Variants in UNC13B observed in about 807,000 individuals in gnomAD.
The protein encoded by UNC13B is unc-13 homolog B, also known as protein unc-13 homolog B.
UNC13B carries 144 observed loss-of-function variants against 211.0 expected under a neutral mutation model. That is an observed-to-expected ratio of 0.68 (90% CI 0.60 to 0.78). UNC13B has a LOEUF of 0.78. Among genes scored for constraint, UNC13B ranks in the 30% least tolerant of loss-of-function variants. UNC13B has a pLI of 0.00. For missense variants in UNC13B, 1,777 were observed against 2,002.0 expected, an observed-to-expected ratio of 0.89 and a Z score of 2.14; for synonymous variants, 709 against 725.8, an observed-to-expected ratio of 0.98 and a Z score of 0.37.
intron 11 of UNC13B, among the ~76,000 whole-genome samples, chr9:35,329,168 A>T (rs1831226008): frequency 6.6e-6 from 1 of 152,056 alleles, no homozygotes; most frequent in Admixed American, 6.5e-5. Context: ...GTTTGTTCCC[A>T]TTCCCACCCC....
intron 11 of UNC13B, among the ~76,000 whole-genome samples, chr9:35,323,607 C>G (rs987402527): frequency 1.3e-5 from 2 of 152,180 alleles, no homozygotes; most frequent in Non-Finnish European, 2.9e-5. Context: ...CTGTTTTCGC[C>G]TTCTGAGAAA....
At chr9:35,324,822 C>T (rs1223219652) in intron 11 of UNC13B, among the ~76,000 whole-genome samples, 1 of 152,086 alleles carries the variant, frequency 6.6e-6, no homozygotes, top group Non-Finnish European at 1.5e-5. Flanking sequence ...TTTGAAATAT[C>T]ATTTATTATG....
rs565231136 is a variant in UNC13B, at chr9:35,180,592, T to C, written c.22+18287T>C. On this transcript the variant is annotated intron_variant, in intron 1 of 39. Transcript: ENST00000635942. ...AGAGGGCTGTGGACTTCAAAAATTA[T>C]GGGCTTTTGAATCTGTTTCAATTTT... 5.9e-5 allele frequency among the ~76,000 whole-genome samples: 9 copies of C among 152,302 alleles called. No homozygotes were observed. In the South Asian group the frequency reaches 1.2e-3, roughly 21 times the overall value.
intron 17 of UNC13B, among the ~76,000 whole-genome samples, 195 bp downstream of exon 17, chr9:35,378,631 T>C (rs903230741): frequency 6.6e-6 from 1 of 152,198 alleles, no homozygotes; most frequent in African/African-American, 2.4e-5. Flanking sequence ...AGGATTACTG[T>C]GCCCATGCCC....
At chr9:35,323,188 A>G (rs1341201561) in intron 11 of UNC13B, among the ~76,000 whole-genome samples, 1 of 150,464 alleles carries the variant, frequency 6.6e-6, no homozygotes, top group Non-Finnish European at 1.5e-5. Flanking sequence ...ATTGTCCTAC[A>G]CCTTGCTTTT....
At chr9:35,278,534 C>T (rs988357675) in intron 7 of UNC13B, among the ~76,000 whole-genome samples, 14 of 152,056 alleles carry the variant, frequency 9.2e-5, no homozygotes, top group African/African-American at 2.9e-4. Flanking sequence ...TTCTCCTTCT[C>T]ATTTTTAAAA....
chr9:35,185,411 A>G (rs1451555303), intron 1 of UNC13B, among the ~76,000 whole-genome samples: 1 of 152,210 alleles, frequency 6.6e-6, no homozygotes, highest in Non-Finnish European at 1.5e-5. Flanking sequence ...TGCCACTAGT[A>G]CAACCAACTA....
chr9:35,246,718 T>G (rs1026666377), intron 6 of UNC13B, among the ~76,000 whole-genome samples: 1 of 152,244 alleles, frequency 6.6e-6, no homozygotes, highest in Non-Finnish European at 1.5e-5. Context: ...ATATCTCTGT[T>G]TTGGTACCAG....
intron 1 of UNC13B, among the ~76,000 whole-genome samples, chr9:35,180,098 A>G (rs1351322968): frequency 6.6e-6 from 1 of 152,218 alleles, no homozygotes; most frequent in Non-Finnish European, 1.5e-5. Flanking sequence ...ATTTAGAAAG[A>G]TACACTTGAA....
intron 1 of UNC13B, among the ~76,000 whole-genome samples, chr9:35,174,881 C>T (rs556387820): frequency 3.9e-5 from 6 of 152,212 alleles, no homozygotes; most frequent in East Asian, 3.9e-4. Flanking sequence ...CCACCGCGCC[C>T]GGCCACGTCT....
chr9:35,300,288 G>T lies in UNC13B; in HGVS notation c.884G>T (p.Ser295Ile). The change falls in exon 9 of 40, where the codon AGT becomes ATT. Residue 295 changes from serine to isoleucine, a missense_variant. Transcript: ENST00000635942. ...TCTGAAACTAAGACTAACTACAAAA[G>T]TACATATTCTAATACTGAAAATTGT... ...ERSETKTNYK[S>I]TYSNTENCTL... 2.5e-6 allele frequency: 1 copy of T among 398,790 alleles called. No individual in the cohort carries two copies. Among genetic ancestry groups the T allele is most frequent in the Non-Finnish European group, 4.4e-6 (1 of 226,010 alleles). 24.7% of individuals were successfully genotyped at this position (398,790 alleles called of 1,614,324 possible).
In UNC13B at chr9:35,305,651, C is replaced by T; in HGVS notation, c.6247C>T (p.Gln2083Ter). ...ACCATTCAGAGACCATCTAATCCAG[C>T]AGTCACCTAATTCATCTTTTTCAAC... ...EVPFRDHLIQQSPNSSFSTSS... is the reference protein window; with the variant it reads ...EVPFRDHLIQ The change falls in exon 9 of 40, where the codon CAG becomes TAG. Residue 2083 changes from glutamine (Q) to a stop codon, truncating the protein, a stop_gained. Coordinates refer to ENST00000635942, the MANE Select transcript of UNC13B (RefSeq NM_001371189.2). LOFTEE classifies it high-confidence loss of function. The T allele has an allele frequency of 2.5e-6, 1 of 399,014 alleles. No homozygotes were observed. The allele number at this position is 399,014 out of a possible 1,614,324, so 24.7% of individuals were successfully genotyped here.
In UNC13B at chr9:35,376,074, T is replaced by C; in HGVS notation, c.9662T>C (p.Ile3221Thr). 6.2e-7 allele frequency: 1 copy of C among 1,614,240 alleles called. No homozygotes were observed. Among genetic ancestry groups the C allele is most frequent in the Non-Finnish European group, 8.5e-7 (1 of 1,180,032 alleles). ...ACCCTGCAGGCCTTAATCTACCCCA[T>C]TTCGTGCACCACTCCTCATAACTTT... Reference protein sequence around the residue: ...KKTLQALIYPISCTTPHNFEV... With the variant: ...KKTLQALIYPTSCTTPHNFEV... The change falls in exon 15 of 40, where the codon ATT (isoleucine) becomes ACT (threonine). Residue 3221 changes from isoleucine to threonine, a missense_variant. Physicochemically the swap from Ile to Thr is moderately conservative, Grantham distance 89. Coordinates refer to ENST00000635942, the MANE Select transcript of UNC13B (RefSeq NM_001371189.2).
intron 21 of UNC13B, among the ~76,000 whole-genome samples, chr9:35,383,323 A>G (rs942210115): frequency 9.2e-5 from 14 of 152,216 alleles, no homozygotes; most frequent in Admixed American, 2.6e-4. Flanking sequence ...TCAGAATGTC[A>G]CCTGACATTA....
intron 7 of UNC13B, among the ~76,000 whole-genome samples, chr9:35,261,648 A>T (rs1181375184): frequency 2.0e-5 from 3 of 152,094 alleles, no homozygotes; most frequent in Non-Finnish European, 4.4e-5. Context: ...TTAGTTATTT[A>T]AAAATGTGTA....
intron 11 of UNC13B, among the ~76,000 whole-genome samples, chr9:35,350,016 C>G (rs1832613448): frequency 6.6e-6 from 1 of 152,166 alleles, no homozygotes; most frequent in South Asian, 2.1e-4. Flanking sequence ...CATCCCTGGT[C>G]AAAGAACATG....
chr9:35,294,292 C>T (rs1436571649), intron 7 of UNC13B, among the ~76,000 whole-genome samples: 1 of 151,998 alleles, frequency 6.6e-6, no homozygotes, highest in African/African-American at 2.4e-5. Flanking sequence ...TTCCACTGCC[C>T]ACATTGCTAC....
intron 16 of UNC13B, among the ~76,000 whole-genome samples, 171 bp downstream of exon 16, chr9:35,377,866 C>T (rs554104455): frequency 1.6e-4 from 24 of 152,144 alleles, no homozygotes; most frequent in African/African-American, 5.1e-4. Context: ...ACCCTGGTGC[C>T]GGAGAGGCAA....
intron 37 of UNC13B, among the ~76,000 whole-genome samples, chr9:35,401,065 A>G (rs1210365234): frequency 6.6e-6 from 1 of 152,188 alleles, no homozygotes; most frequent in Non-Finnish European, 1.5e-5. Context: ...GGCCTGTCCA[A>G]AACAAAACAC....
Sources: allele counts gnomAD v4.1 joint callset (sites outside exome capture counted in the v4.1 genomes callset), GRCh38; gene constraint gnomAD v4.1.1; transcripts MANE v1.5; gene names NCBI Gene and HGNC (gene_info 2026-07-23, HGNC 2026-07-21).